The following APBB2 variants were observed in gnomAD, a reference collection of about 807,000 sequenced individuals.
APBB2 encodes Fe65-like 1.
Under a neutral mutation model 82.5 loss-of-function variants are expected in APBB2, and 38 were observed. That is an observed-to-expected ratio of 0.46 (90% CI 0.36 to 0.60). APBB2 has a LOEUF of 0.60. APBB2 is among the 20% of genes least tolerant of loss of function. The probability of loss-of-function intolerance (pLI) is 0.00; values close to 1 mark genes in which losing one functional copy is unlikely to be tolerated. For synonymous variants in APBB2, 341 were observed against 368.2 expected, an observed-to-expected ratio of 0.93 and a Z score of 0.85; for missense variants, 772 against 972.3, an observed-to-expected ratio of 0.79 and a Z score of 2.74.
chr4:41,002,233 C>A (rs891008187), intron 6 of APBB2, among the ~76,000 whole-genome samples: 25 of 152,214 alleles, frequency 1.6e-4, no homozygotes, highest in African/African-American at 5.8e-4. Context: ...GAACCACCCA[C>A]ATCCTAGGTT....
At chr4:41,172,707 C>T (rs1169299239) in intron 1 of APBB2, among the ~76,000 whole-genome samples, 1 of 152,234 alleles carries the variant, frequency 6.6e-6, no homozygotes, top group African/African-American at 2.4e-5. Flanking sequence ...ACACAGTAAG[C>T]ACTCAAGTAA....
intron 12 of APBB2, among the ~76,000 whole-genome samples, chr4:40,848,063 C>T (rs1268440671): frequency 1.3e-5 from 2 of 152,124 alleles, no homozygotes; most frequent in African/African-American, 4.8e-5. Context: ...ACCTCAGCTT[C>T]TCAAAAAAGT....
intron 6 of APBB2, among the ~76,000 whole-genome samples, chr4:40,982,400 G>GGAAGAAAGAAAGAAAGAAA (rs1553894088): frequency 6.2e-5 from 1 of 16,046 alleles, no homozygotes; most frequent in African/African-American, 2.0e-4. Flanking sequence ...GGAAAGGAAA[G>GGAAGAAAGAAAGAAAGAAA]GAAAGAAAGA....
intron 12 of APBB2, chr4:40,849,006 G>T: frequency 3.7e-6 from 2 of 546,336 alleles, no homozygotes; most frequent in Non-Finnish European, 4.7e-6. Context: ...CTGGCACATA[G>T]TAGGCAATCA....
chr4:41,056,186 A>C (rs1727797632), intron 4 of APBB2, among the ~76,000 whole-genome samples: 1 of 152,120 alleles, frequency 6.6e-6, no homozygotes, highest in African/African-American at 2.4e-5. Context: ...ATCTCAAAAA[A>C]ATAAATAAAT....
intron 3 of APBB2, among the ~76,000 whole-genome samples, chr4:41,093,773 G>T (rs572747221): frequency 1.3e-5 from 2 of 151,906 alleles, no homozygotes; most frequent in African/African-American, 4.8e-5. Flanking sequence ...AGAATCGCTT[G>T]AATCTGGGAG....
intron 6 of APBB2, among the ~76,000 whole-genome samples, chr4:41,009,031 A>T (rs1299845329): frequency 6.6e-6 from 1 of 152,224 alleles, no homozygotes; most frequent in Non-Finnish European, 1.5e-5. Flanking sequence ...CCCAAACTAA[A>T]CATAAAATTA....
chr4:41,076,799 T>C (rs769578769), intron 3 of APBB2, among the ~76,000 whole-genome samples: 2 of 151,870 alleles, frequency 1.3e-5, no homozygotes, highest in Non-Finnish European at 2.9e-5. Flanking sequence ...ATATACATAA[T>C]TAAGAACCCC....
chr4:40,872,229 A>C (rs552186610), intron 12 of APBB2, among the ~76,000 whole-genome samples: 2 of 152,324 alleles, frequency 1.3e-5, no homozygotes, highest in African/African-American at 4.8e-5. Context: ...GACAATGACA[A>C]AGGAAGCCGT....
At chr4:41,073,144 A>G (rs1020488177) in intron 3 of APBB2, among the ~76,000 whole-genome samples, 2 of 152,182 alleles carry the variant, frequency 1.3e-5, no homozygotes, top group Admixed American at 6.5e-5. Flanking sequence ...CACCCCAGAT[A>G]AGATTCTTTT....
At chr4:41,194,969 C>T in intron 1 of APBB2, among the ~76,000 whole-genome samples, 3 of 151,954 alleles carry the variant, frequency 2.0e-5, no homozygotes, top group Admixed American at 6.6e-5. Flanking sequence ...CAGATCATAC[C>T]TCTCCCTTGA....
At chr4:40,819,477 T>C (rs75803832) in intron 17 of APBB2, among the ~76,000 whole-genome samples, 1,981 of 152,206 alleles carry the variant, frequency 0.013, 43 homozygotes, top group African/African-American at 0.046. Flanking sequence ...TGAGCTACTG[T>C]GCCCAGCCTC....
At chr4:40,838,525 T>C (rs1754776881) in intron 12 of APBB2, among the ~76,000 whole-genome samples, 1 of 152,008 alleles carries the variant, frequency 6.6e-6, no homozygotes, top group Non-Finnish European at 1.5e-5. Flanking sequence ...TTAGTAGAGA[T>C]GGGGTTTCAC....
At chr4:40,904,559 T>A (rs889696487) in intron 10 of APBB2, among the ~76,000 whole-genome samples, 1 of 152,052 alleles carries the variant, frequency 6.6e-6, no homozygotes, top group Non-Finnish European at 1.5e-5. Flanking sequence ...AGATTCAAAA[T>A]ACCTCTTGGA....
At position 41,195,927 on chromosome 4, in the gene APBB2, A is replaced by G; in HGVS notation, c.-417+18478T>C. On this transcript the variant is annotated intron_variant, in intron 1 of 17. Transcript: ENST00000508593. ...TGTAATCCCAGCACTTTGGGAGGCCAAGGCGGGCAGATCACAAGGTCAGGA... is the reference window on the plus strand; with the variant it reads ...TGTAATCCCAGCACTTTGGGAGGCCGAGGCGGGCAGATCACAAGGTCAGGA... 2.0e-3 allele frequency among the ~76,000 whole-genome samples: 300 copies of G among 152,226 alleles called. 1 individual carries two copies. Among genetic ancestry groups the G allele is most frequent in the African/African-American group, 6.4e-3 (266 of 41,526 alleles).
intron 10 of APBB2, among the ~76,000 whole-genome samples, chr4:40,933,178 T>G (rs1233757781): frequency 6.6e-6 from 1 of 152,190 alleles, no homozygotes; most frequent in African/African-American, 2.4e-5. Flanking sequence ...ATGTGTTTTT[T>G]AATTGCTATT....
At chr4:40,927,508 G>T (rs984190961) in intron 10 of APBB2, among the ~76,000 whole-genome samples, 1 of 152,074 alleles carries the variant, frequency 6.6e-6, no homozygotes, top group Non-Finnish European at 1.5e-5. Context: ...TAGAGACAGG[G>T]TCTCACTCTG....
chr4:41,181,887 G>A (rs956266020), intron 1 of APBB2, among the ~76,000 whole-genome samples: 33 of 150,660 alleles, frequency 2.2e-4, no homozygotes, highest in Non-Finnish European at 3.4e-4. Context: ...TGGAGATTGC[G>A]GTGAGTCGAG....
intron 3 of APBB2, among the ~76,000 whole-genome samples, chr4:41,079,718 T>A (rs1353544429): frequency 2.6e-5 from 4 of 152,114 alleles, no homozygotes; most frequent in African/African-American, 9.7e-5. Flanking sequence ...CCAGCTAATT[T>A]TTGTATTCTT....
Sources: gnomAD v4.1 joint callset for allele counts (sites outside exome capture counted in the v4.1 genomes callset) on GRCh38, gnomAD v4.1.1 for gene constraint, MANE v1.5 for transcripts, NCBI Gene and HGNC (gene_info 2026-07-23, HGNC 2026-07-21) for gene names.